The following CCDC85A variants were observed in gnomAD, a reference collection of about 807,000 sequenced individuals.
CCDC85A encodes coiled-coil domain-containing protein 85A.
In CCDC85A, 38 loss-of-function variants were observed where a neutral mutation model predicts 50.2. The observed-to-expected ratio is 0.76, with a 90% CI of 0.58 to 0.99. CCDC85A has a LOEUF of 0.99. Among genes scored for constraint, CCDC85A ranks in the 50% least tolerant of loss-of-function variants. The probability of loss-of-function intolerance (pLI) is 0.00; values close to 1 mark genes in which losing one functional copy is unlikely to be tolerated. For synonymous variants in CCDC85A, 366 were observed against 301.4 expected, an observed-to-expected ratio of 1.21 and a Z score of -2.22; for missense variants, 820 against 742.0, an observed-to-expected ratio of 1.11 and a Z score of -1.22.
chr2:56,271,268 C>T (rs554496168), intron 2 of CCDC85A, among the ~76,000 whole-genome samples: 21 of 152,234 alleles, frequency 1.4e-4, no homozygotes, highest in African/African-American at 4.6e-4. Context: ...GAATTGCCAG[C>T]GAACAGAGCA....
Position 56,216,112 on chromosome 2 carries a change from C to T in CCDC85A, c.1240+22672C>T, listed in dbSNP as rs183838592. 1.1e-4 allele frequency among the ~76,000 whole-genome samples: 17 copies of T among 151,954 alleles called. No homozygotes were observed. The East Asian group carries it at 3.3e-3, about 29-fold the overall frequency. The stretch of plus-strand genomic sequence containing the variant: ...GCTCTTTATGGCAAAAATTTGCTGA[C>T]CTCTGCTATATAGTATCCCATTGGA... On this transcript the variant is annotated intron_variant, in intron 2 of 5. Coordinates refer to ENST00000407595, the MANE Select transcript of CCDC85A (RefSeq NM_001080433.2).
At chr2:56,233,916 G>T (rs1439255834) in intron 2 of CCDC85A, among the ~76,000 whole-genome samples, 1 of 152,082 alleles carries the variant, frequency 6.6e-6, no homozygotes, top group Non-Finnish European at 1.5e-5. Flanking sequence ...CCTAATTTCT[G>T]TCAGAAAGGG....
chr2:56,375,088 A>G (rs534118956), intron 4 of CCDC85A, among the ~76,000 whole-genome samples: 7 of 152,276 alleles, frequency 4.6e-5, no homozygotes, highest in Non-Finnish European at 7.4e-5. Context: ...TTACTGATCC[A>G]TTAGTCTTCC....
At chr2:56,323,490 A>G (rs1443038224) in intron 2 of CCDC85A, among the ~76,000 whole-genome samples, 2 of 151,930 alleles carry the variant, frequency 1.3e-5, no homozygotes, top group Non-Finnish European at 2.9e-5. Flanking sequence ...TGAACAGAAG[A>G]TAATGACAGA....
At chr2:56,267,121 T>C (rs1282121001) in intron 2 of CCDC85A, among the ~76,000 whole-genome samples, 3 of 152,168 alleles carry the variant, frequency 2.0e-5, no homozygotes, top group Non-Finnish European at 4.4e-5. Context: ...GTTTGTGATA[T>C]TTCCAACTGA....
intron 3 of CCDC85A, among the ~76,000 whole-genome samples, chr2:56,344,333 C>G (rs548746723): frequency 3.9e-4 from 59 of 152,206 alleles, no homozygotes; most frequent in African/African-American, 1.4e-3. Flanking sequence ...TCGAGATGGC[C>G]ATTAAGTGAC....
At chr2:56,344,233 TAAC>T (rs1674519465) in intron 3 of CCDC85A, among the ~76,000 whole-genome samples, 2 of 152,156 alleles carry the variant, frequency 1.3e-5, no homozygotes, top group South Asian at 2.1e-4. Context: ...ACAACACTAA[TAAC>T]AAAGTTATTA....
intron 2 of CCDC85A, among the ~76,000 whole-genome samples, chr2:56,307,518 A>G (rs1230231664): frequency 6.6e-6 from 1 of 152,206 alleles, no homozygotes. Flanking sequence ...ATTGAGTGAC[A>G]CTGACACATG....
chr2:56,375,883 G>C lies in CCDC85A; in HGVS notation c.1520G>C (p.Ser507Thr). 9.9e-6 allele frequency: 16 copies of C among 1,613,840 alleles called. No homozygotes were observed. The highest frequency in any genetic ancestry group is 1.4e-5 in the Non-Finnish European group (16 of 1,179,826). The change falls in exon 5 of 6, where the codon AGT (serine) becomes ACT (threonine). Residue 507 changes from serine (S) to threonine (T), a missense_variant. Transcript: ENST00000407595. ...NSSPNSAASFSGHATPSQQPE... is the reference protein window; with the variant it reads ...NSSPNSAASFTGHATPSQQPE... ...TCACCCAACTCTGCAGCTAGCTTCA[G>C]TGGACATGCCACACCTTCCCAGCAG...
intron 2 of CCDC85A, among the ~76,000 whole-genome samples, chr2:56,280,940 T>A (rs1435629416): frequency 6.6e-6 from 1 of 152,186 alleles, no homozygotes; most frequent in Non-Finnish European, 1.5e-5. Flanking sequence ...AGATTCTTAC[T>A]TTTTTTAGGT....
At chr2:56,293,432 G>A (rs1455284648) in intron 2 of CCDC85A, among the ~76,000 whole-genome samples, 3 of 152,128 alleles carry the variant, frequency 2.0e-5, no homozygotes, top group African/African-American at 7.2e-5. Context: ...AGATTTCATA[G>A]CAAAAACATC....
intron 2 of CCDC85A, among the ~76,000 whole-genome samples, chr2:56,276,979 A>T (rs916305646): frequency 5.9e-5 from 9 of 152,210 alleles, no homozygotes; most frequent in Admixed American, 5.2e-4. Context: ...ACACAGCCTG[A>T]GGAGCAGAGA....
At chr2:56,343,011 T>G in intron 3 of CCDC85A, 56 bp downstream of exon 3, 1 of 1,213,816 alleles carries the variant, frequency 8.2e-7, no homozygotes, top group Admixed American at 2.2e-5. Flanking sequence ...TGTAGTATTT[T>G]ATTTGGAATT....
chr2:56,357,886 C>A (rs1043631491), intron 3 of CCDC85A, among the ~76,000 whole-genome samples: 13 of 152,130 alleles, frequency 8.5e-5, no homozygotes, highest in African/African-American at 3.1e-4. Flanking sequence ...GTCTCAAGCA[C>A]TAACCACATC....
intron 2 of CCDC85A, among the ~76,000 whole-genome samples, chr2:56,260,542 C>A (rs1242572090): frequency 2.0e-5 from 3 of 152,098 alleles, no homozygotes; most frequent in African/African-American, 7.2e-5. Flanking sequence ...AGCTTTTTTG[C>A]CTGCAGGAGT....
Position 56,192,018 on chromosome 2 carries a change from G to A in CCDC85A, c.277-459G>A, listed in dbSNP as rs1676316389. 6.6e-6 allele frequency among the ~76,000 whole-genome samples: 1 copy of A among 152,168 alleles called. No homozygotes were observed. Among genetic ancestry groups the A allele is most frequent in the South Asian group, 2.1e-4 (1 of 4,830 alleles). Reference sequence around the variant, plus strand: ...ATCTAGTGACTGATTTCTTGATAATGAACTGGTTGCTCCCTAACTACTGAC... The same window carrying A: ...ATCTAGTGACTGATTTCTTGATAATAAACTGGTTGCTCCCTAACTACTGAC... On this transcript the variant is annotated intron_variant, in intron 1 of 5. Transcript: ENST00000407595. The surrounding 1 kb of genome is among the most constrained non-coding windows in gnomAD (Gnocchi z 4.7).
intron 2 of CCDC85A, among the ~76,000 whole-genome samples, chr2:56,293,961 A>C (rs565030703): frequency 5.9e-5 from 9 of 152,332 alleles, no homozygotes; most frequent in African/African-American, 2.2e-4. Context: ...CTGGGTATAC[A>C]CCCAAAGGAA....
At chr2:56,238,018 A>C (rs1337914279) in intron 2 of CCDC85A, among the ~76,000 whole-genome samples, 1 of 152,154 alleles carries the variant, frequency 6.6e-6, no homozygotes, top group Non-Finnish European at 1.5e-5. Context: ...ACTTTCCCAA[A>C]TTCATACACA....
intron 2 of CCDC85A, among the ~76,000 whole-genome samples, chr2:56,260,676 G>A (rs962633405): frequency 6.6e-6 from 1 of 152,198 alleles, no homozygotes; most frequent in East Asian, 1.9e-4. Flanking sequence ...AGGTGACGTT[G>A]CCTGGAGTTG....
Sources: gnomAD v4.1 joint callset for allele counts (sites outside exome capture counted in the v4.1 genomes callset) on GRCh38, gnomAD v4.1.1 for gene constraint, Gnocchi (gnomAD v3.1) non-coding constraint, MANE v1.5 for transcripts, NCBI Gene and HGNC (gene_info 2026-07-23, HGNC 2026-07-21) for gene names.